Variants in UROD observed in about 807,000 individuals in gnomAD.
UROD encodes the protein uroporphyrinogen III decarboxylase.
UROD carries 34 observed loss-of-function variants against 47.1 expected under a neutral mutation model. The observed-to-expected ratio is 0.72, with a 90% CI of 0.55 to 0.96. UROD has a LOEUF of 0.96. Ranked by LOEUF, UROD falls within the 40% of genes least tolerant of loss-of-function variation. The pLI, the probability that UROD is intolerant of heterozygous loss-of-function variation, is 0.00. For synonymous variants in UROD, 148 were observed against 175.8 expected, an observed-to-expected ratio of 0.84 and a Z score of 1.25; for missense variants, 381 against 471.8, an observed-to-expected ratio of 0.81 and a Z score of 1.78.
In UROD at chr1:45,013,607, A is replaced by T. The variant is rs752730120; in HGVS notation, c.290A>T (p.Glu97Val). The T allele has an allele frequency of 1.4e-5, 23 of 1,614,048 alleles. No homozygotes were observed. The highest frequency in any genetic ancestry group is 1.9e-5 in the Non-Finnish European group (22 of 1,179,996). ...ILVVPQALGM[E>V]VTMVPGKGPS... Reference sequence around the variant, plus strand: ...CTCCCCCTCCAGGCACTGGGCATGGAGGTGACCATGGTACCTGGCAAAGGA... The same window carrying T: ...CTCCCCCTCCAGGCACTGGGCATGGTGGTGACCATGGTACCTGGCAAAGGA... The change falls in exon 5 of 10, where the codon GAG (glutamate) becomes GTG (valine). Residue 97 changes from glutamate (E) to valine (V), a missense_variant. Coordinates refer to ENST00000246337, the MANE Select transcript of UROD (RefSeq NM_000374.5). The surrounding 1 kb of genome is among the most constrained non-coding windows in gnomAD (Gnocchi z 4.2).
Position 45,013,922 on chromosome 1 carries a change from C to T in UROD, c.488C>T (p.Thr163Ile). 6.2e-7 allele frequency: 1 copy of T among 1,614,238 alleles called. No individual in the cohort carries two copies. Among genetic ancestry groups the T allele is most frequent in the Non-Finnish European group, 8.5e-7 (1 of 1,180,048 alleles). The stretch of plus-strand genomic sequence containing the variant: ...ATCCTTCTCTAGTGGACCCTGATGA[C>T]ATACATGGTTGAGGGTGGTGGCTCA... Reference protein sequence around the residue: ...GFAGAPWTLMTYMVEGGGSST... With the variant: ...GFAGAPWTLMIYMVEGGGSST... The change falls in exon 6 of 10, where the codon ACA (threonine) becomes ATA (isoleucine). Residue 163 changes from threonine to isoleucine, a missense_variant. Coordinates refer to ENST00000246337, the MANE Select transcript of UROD (RefSeq NM_000374.5). The surrounding 1 kb of genome is among the most constrained non-coding windows in gnomAD (Gnocchi z 4.2).
chr1:45,015,192 C>T, intron 9 of UROD, 145 bp from the exon 10 acceptor site: 1 of 1,426,130 alleles, frequency 7.0e-7, no homozygotes, highest in East Asian at 2.5e-5. Flanking sequence ...ATGCCTGGGT[C>T]CATACTAGGG....
At position 45,013,723 on chromosome 1, in the gene UROD, C is replaced by A. The variant is rs1210773008; in HGVS notation, c.406C>A (p.Gln136Lys). ...VVASELGYVF[Q>K]AITLTRQRLA... Reference sequence around the variant, plus strand: ...AGCCTCTGAGCTAGGCTATGTGTTCCAAGCCATCACCCTTACCCGACAACG... The same window carrying A: ...AGCCTCTGAGCTAGGCTATGTGTTCAAAGCCATCACCCTTACCCGACAACG... The change falls in exon 5 of 10, where the codon CAA becomes AAA. Residue 136 changes from glutamine to lysine, a missense_variant. Coordinates refer to ENST00000246337, the MANE Select transcript of UROD (RefSeq NM_000374.5). The surrounding 1 kb of genome is among the most constrained non-coding windows in gnomAD (Gnocchi z 4.2). 6.2e-7 allele frequency: 1 copy of A among 1,614,128 alleles called. No homozygotes were observed. The highest frequency in any genetic ancestry group is 1.7e-5 in the Admixed American group (1 of 60,032).
chr1:45,012,958 G>A lies in UROD; in HGVS notation c.72G>A (p.Trp24Ter), dbSNP rs1644815313. Residue 24 changes from tryptophan (W) to a stop codon, truncating the protein, a stop_gained, in exon 2 of 10, where the codon TGG becomes TGA. Transcript: ENST00000246337. LOFTEE classifies it high-confidence loss of function. ...ATGACACATTCCTGCGAGCAGCCTG[G>A]GGAGAGGAAACAGACTACACTCCCG... Reference protein sequence around the residue: ...LKNDTFLRAAWGEETDYTPVW... With the variant: ...LKNDTFLRAA 1 of 1,614,042 alleles carries A rather than the reference G, an allele frequency of 6.2e-7. No homozygotes were observed. The highest frequency in any genetic ancestry group is 2.2e-5 in the East Asian group (1 of 44,886).
At chr1:45,012,624 C>G (rs889248730) in intron 1 of UROD, 3 of 632,852 alleles carry the variant, frequency 4.7e-6, no homozygotes, top group Non-Finnish European at 8.1e-6. Context: ...CCCAAACTAT[C>G]CTTAGTGGGC....
At chr1:45,015,312 AG>A in intron 9 of UROD, 24 bp from the exon 10 acceptor site, 1 of 1,613,262 alleles carries the variant, frequency 6.2e-7, no homozygotes, top group Non-Finnish European at 8.5e-7. Context: ...GTCCTCCTGT[AG>A]CCAGTGCCCT....
rs1644845165 is a variant in UROD at position 45,015,520 on chromosome 1, T to C, written c.*22T>C. Reference sequence around the variant, plus strand: ...CTGAGTGTATACCTTTACCCTCAAGTACCACTAACACAGATGATTGATCGT... The same window carrying C: ...CTGAGTGTATACCTTTACCCTCAAGCACCACTAACACAGATGATTGATCGT... On this transcript the variant is annotated 3_prime_UTR_variant, in exon 10 of 10. Transcript: ENST00000246337. 6.2e-7 allele frequency: 1 copy of C among 1,614,070 alleles called. No homozygotes were observed.
Position 45,015,565 on chromosome 1 carries a change from T to G in UROD, c.*67T>G, listed in dbSNP as rs769544096. On this transcript the variant is annotated 3_prime_UTR_variant, in exon 10 of 10. Coordinates refer to ENST00000246337, the MANE Select transcript of UROD (RefSeq NM_000374.5). ...GATCGTTTCCAGGACAATAAAAGTT[T>G]CGGAGTTGAACTATTGTGTAGTTTT... 2.5e-6 allele frequency: 4 copies of G among 1,611,884 alleles called. No homozygotes were observed. Among genetic ancestry groups the G allele is most frequent in the South Asian group, 1.1e-5 (1 of 90,850 alleles).
chr1:45,013,865 G>T lies in UROD; in HGVS notation c.475-44G>T. 1 of 1,614,174 alleles carries T rather than the reference G, an allele frequency of 6.2e-7. No individual in the cohort carries two copies. Among genetic ancestry groups the T allele is most frequent in the Non-Finnish European group, 8.5e-7 (1 of 1,180,034 alleles). On this transcript the variant is annotated intron_variant, in intron 5 of 9. Transcript: ENST00000246337. The surrounding 1 kb of genome is among the most constrained non-coding windows in gnomAD (Gnocchi z 4.2). ...AAGGTCTGGGGTAGACAAAAGGAAG[G>T]GTCAGTCTGGCTTCTGTGACACCAT...
rs121918059 is a variant in UROD at position 45,014,835 on chromosome 1, C to G, written c.874C>G (p.Arg292Gly). 2 of 1,614,110 alleles carry G rather than the reference C, an allele frequency of 1.2e-6. No individual in the cohort carries two copies. The highest frequency in any genetic ancestry group is 1.7e-6 in the Non-Finnish European group (2 of 1,180,020). ...LDWTVAPKKA[R>G]ECVGKTVTLQ... ...CTGGACAGTGGCCCCAAAGAAAGCCCGGTAAGCCATGGAAGGGTGAGGCCT... is the reference window on the plus strand; with the variant it reads ...CTGGACAGTGGCCCCAAAGAAAGCCGGGTAAGCCATGGAAGGGTGAGGCCT... Residue 292 changes from arginine (R) to glycine (G), a missense_variant and splice_region_variant, in exon 8 of 10, where the codon CGG (arginine) becomes GGG (glycine). Transcript: ENST00000246337.
intron 1 of UROD, 99 bp from the exon 2 acceptor site, chr1:45,012,808 G>C: frequency 6.4e-7 from 1 of 1,562,768 alleles, no homozygotes; most frequent in Non-Finnish European, 8.7e-7. Context: ...GGAGGAGGTA[G>C]ATAGCGGTCC....
intron 6 of UROD, 66 bp downstream of exon 6, chr1:45,014,136 C>T: frequency 6.2e-7 from 1 of 1,610,648 alleles, no homozygotes; most frequent in Non-Finnish European, 8.5e-7. Flanking sequence ...CAAGAGTGTC[C>T]TAAACCTGAG....
chr1:45,014,692 G>A lies in UROD; in HGVS notation c.775-44G>A, dbSNP rs760933739. 2.0e-5 allele frequency: 33 copies of A among 1,613,584 alleles called. No individual in the cohort carries two copies. The South Asian group carries it at 3.5e-4, about 17-fold the overall frequency. On this transcript the variant is annotated intron_variant, in intron 7 of 9. Coordinates refer to ENST00000246337, the MANE Select transcript of UROD (RefSeq NM_000374.5). ...GAAGTACAGTCAAGAAAGATTAGTG[G>A]TTGTAGCAAGGCCCTCTGTAGCCTG... is the stretch of plus-strand genomic sequence containing the variant.
Position 45,013,501 on chromosome 1 carries a change from T to C in UROD, c.277-93T>C. 19 of 1,605,748 alleles carry C rather than the reference T, an allele frequency of 1.2e-5. No homozygotes were observed. Among genetic ancestry groups the C allele is most frequent in the Non-Finnish European group, 1.6e-5 (19 of 1,173,996 alleles). ...GAAAGAAATGGAGTTTGGCAGAGTT[T>C]TATTCTCCTTTTCCTTCCTCCTGGA... On this transcript the variant is annotated intron_variant, in intron 4 of 9. Transcript: ENST00000246337. The surrounding 1 kb of genome is among the most constrained non-coding windows in gnomAD (Gnocchi z 4.2).
At chr1:45,014,382 G>A (rs1430639998) in intron 6 of UROD, 57 bp from the exon 7 acceptor site, 1 of 1,612,956 alleles carries the variant, frequency 6.2e-7, no homozygotes, top group African/African-American at 1.3e-5. Flanking sequence ...GATTTTGTAT[G>A]TGGGGGAAAC....
rs1644831872 is a variant in UROD at position 45,014,461 on chromosome 1, A to C, written c.659A>C (p.His220Pro). The C allele has an allele frequency of 1.9e-6, 3 of 1,614,096 alleles. No homozygotes were observed. Among genetic ancestry groups the C allele is most frequent in the Non-Finnish European group, 2.5e-6 (3 of 1,180,052 alleles). ...TAGGCATTGCAGCTGTTTGAGTCCC[A>C]TGCAGGGCATCTTGGCCCACAGCTC... is the stretch of plus-strand genomic sequence containing the variant. ...GAQALQLFES[H>P]AGHLGPQLFN... is the part of the protein sequence containing the mutation. The change falls in exon 7 of 10, where the codon CAT (histidine) becomes CCT (proline). Residue 220 changes from histidine to proline, a missense_variant. Coordinates refer to ENST00000246337, the MANE Select transcript of UROD (RefSeq NM_000374.5).
In UROD at chr1:45,012,622, A is replaced by G. The variant is rs574263168; in HGVS notation, c.21-285A>G. ...TCACTAGTTCGAAGACCCCCAAACT[A>G]TCCTTAGTGGGCCTTCATTCCCTCC... On this transcript the variant is annotated intron_variant, in intron 1 of 9. Transcript: ENST00000246337. 1.2e-3 allele frequency: 752 copies of G among 632,788 alleles called. 1 individual carries two copies. The highest frequency in any genetic ancestry group is 9.7e-4 in the Non-Finnish European group (357 of 369,920). 39.2% of individuals were successfully genotyped at this position (632,788 alleles called of 1,614,324 possible).
rs768306928 is a variant in UROD at position 45,012,908 on chromosome 1, C to T, written c.22C>T (p.Pro8Ser). 6.2e-7 allele frequency: 1 copy of T among 1,613,574 alleles called. No homozygotes were observed. The highest frequency in any genetic ancestry group is 2.2e-5 in the East Asian group (1 of 44,858). MEANGLG[P>S]QGFPELKNDT... ...CCCCCACCCCCACCTGATCGCCAGA[C>T]CTCAGGGTTTTCCGGAGCTGAAGAA... Residue 8 changes from proline to serine, a missense_variant and splice_region_variant, in exon 2 of 10, where the codon CCT becomes TCT. Transcript: ENST00000246337.
intron 6 of UROD, 170 bp downstream of exon 6, chr1:45,014,240 T>A: frequency 7.8e-7 from 1 of 1,286,048 alleles, no homozygotes; most frequent in Non-Finnish European, 1.1e-6. Flanking sequence ...CAGTGGGGCT[T>A]AATGCTCTAA....
Sources: allele counts gnomAD v4.1 joint callset, GRCh38; gene constraint gnomAD v4.1.1; non-coding constraint Gnocchi (gnomAD v3.1); transcripts MANE v1.5; gene names NCBI Gene and HGNC (gene_info 2026-07-23, HGNC 2026-07-21).